GULP1: variants seen among roughly 807,000 people sequenced by gnomAD.
GULP1 encodes GULP PTB domain containing engulfment adaptor 1.
A neutral mutation model predicts 40.9 loss-of-function variants in GULP1; 19 were observed. The observed-to-expected ratio is 0.46, with a 90% CI of 0.32 to 0.68. The LOEUF (loss-of-function observed/expected upper bound fraction) is 0.68. Among genes scored for constraint, GULP1 ranks in the 30% least tolerant of loss-of-function variants. The pLI is 0.03. For synonymous variants in GULP1, 119 were observed against 117.6 expected, an observed-to-expected ratio of 1.01 and a Z score of -0.08; for missense variants, 312 against 362.2, an observed-to-expected ratio of 0.86 and a Z score of 1.12.
intron 2 of GULP1, among the ~76,000 whole-genome samples, chr2:188,402,220 A>G (rs1019423507): frequency 6.6e-6 from 1 of 152,138 alleles, no homozygotes; most frequent in Admixed American, 6.5e-5. Context: ...GCTAGTACCT[A>G]CAGTAAGGAA....
At chr2:188,543,976 C>G (rs1382755920) in intron 7 of GULP1, among the ~76,000 whole-genome samples, 1 of 152,122 alleles carries the variant, frequency 6.6e-6, no homozygotes, top group African/African-American at 2.4e-5. Flanking sequence ...AGTCCTCCTT[C>G]TTCCATGGTG....
chr2:188,414,352 G>T (rs2054306872), intron 2 of GULP1, among the ~76,000 whole-genome samples: 1 of 151,850 alleles, frequency 6.6e-6, no homozygotes, highest in African/African-American at 2.4e-5. Flanking sequence ...TCTTTGCGAA[G>T]AAGCTACATG....
intron 5 of GULP1, 176 bp downstream of exon 5, chr2:188,523,003 C>T (rs1328502993): frequency 2.0e-6 from 1 of 495,878 alleles, no homozygotes; most frequent in Non-Finnish European, 3.7e-6. Flanking sequence ...CAAACATGTA[C>T]ACAAAATTGT....
intron 1 of GULP1, among the ~76,000 whole-genome samples, chr2:188,302,618 A>C (rs544059484): frequency 7.5e-4 from 114 of 152,274 alleles, no homozygotes; most frequent in African/African-American, 2.6e-3. Context: ...CATACAGTAA[A>C]CTTTTAAGTA....
At chr2:188,295,580 G>A (rs1032538434) in intron 1 of GULP1, among the ~76,000 whole-genome samples, 1 of 152,032 alleles carries the variant, frequency 6.6e-6, no homozygotes, top group African/African-American at 2.4e-5. Flanking sequence ...TCATTGTACT[G>A]TGCTACAGTC....
chr2:188,398,789 A>G (rs1055281732), intron 2 of GULP1, among the ~76,000 whole-genome samples: 1 of 152,192 alleles, frequency 6.6e-6, no homozygotes, highest in Non-Finnish European at 1.5e-5. Flanking sequence ...AGCATGATTT[A>G]TATTGAGAAA....
chr2:188,427,998 G>A lies in GULP1; in HGVS notation c.-45+44109G>A, dbSNP rs888878305. Among the ~76,000 whole-genome samples, 6 of 152,352 alleles carry A rather than the reference G, an allele frequency of 3.9e-5. No homozygotes were observed. The East Asian group carries it at 1.2e-3, about 29-fold the overall frequency. On this transcript the variant is annotated intron_variant, in intron 2 of 11. Transcript: ENST00000409830. The stretch of plus-strand genomic sequence containing the variant: ...AGCCACAGGGACAGAGCTCCCCAAG[G>A]CCTTGGGAGCCTACCCATTGCATCA...
chr2:188,444,353 G>A (rs1271376600), intron 2 of GULP1, among the ~76,000 whole-genome samples: 2 of 152,088 alleles, frequency 1.3e-5, no homozygotes, highest in Admixed American at 6.5e-5. Context: ...TAATATAAAT[G>A]TTGAAAACAT....
At chr2:188,465,768 C>G (rs573333632) in intron 2 of GULP1, among the ~76,000 whole-genome samples, 50 of 152,234 alleles carry the variant, frequency 3.3e-4, no homozygotes, top group African/African-American at 1.2e-3. Flanking sequence ...CTAGCTCTTA[C>G]TCTCCCCAGT....
chr2:188,454,951 C>T (rs2059139496), intron 2 of GULP1, among the ~76,000 whole-genome samples: 1 of 151,852 alleles, frequency 6.6e-6, no homozygotes, highest in Non-Finnish European at 1.5e-5. Flanking sequence ...AGTGAGACCC[C>T]CATCTGTACA....
intron 1 of GULP1, among the ~76,000 whole-genome samples, chr2:188,358,157 G>A (rs2045605731): frequency 6.6e-6 from 1 of 152,076 alleles, no homozygotes; most frequent in South Asian, 2.1e-4. Context: ...CTCCAGCCTG[G>A]GTGACAGAGC....
intron 9 of GULP1, among the ~76,000 whole-genome samples, chr2:188,574,718 C>A (rs1263136241): frequency 6.6e-6 from 1 of 152,140 alleles, no homozygotes; most frequent in Non-Finnish European, 1.5e-5. Flanking sequence ...AAGCCATCTT[C>A]TCTAACAAGA....
intron 6 of GULP1, among the ~76,000 whole-genome samples, chr2:188,540,485 A>G (rs1275189296): frequency 1.3e-5 from 2 of 151,638 alleles, no homozygotes; most frequent in South Asian, 4.2e-4. Context: ...AACTATATCG[A>G]TCTGGTTGCA....
At chr2:188,592,475 T>C (rs1703758261) in intron 11 of GULP1, 1 of 152,044 alleles carries the variant, frequency 6.6e-6, no homozygotes, top group Non-Finnish European at 1.5e-5. Context: ...TGGCAAAATG[T>C]ATTTTGTGAT....
chr2:188,499,827 C>T (rs2063261126), intron 4 of GULP1, among the ~76,000 whole-genome samples: 3 of 151,666 alleles, frequency 2.0e-5, no homozygotes, highest in Non-Finnish European at 4.4e-5. Flanking sequence ...TATTATGATA[C>T]AACTCTTTTT....
chr2:188,318,633 G>A (rs1354790332), intron 1 of GULP1, among the ~76,000 whole-genome samples: 1 of 150,592 alleles, frequency 6.6e-6, no homozygotes, highest in Admixed American at 6.6e-5. Flanking sequence ...TTTATCATTG[G>A]CATGGTGAGT....
chr2:188,475,119 G>C (rs576150977), intron 2 of GULP1, among the ~76,000 whole-genome samples: 2 of 152,244 alleles, frequency 1.3e-5, no homozygotes, highest in South Asian at 2.1e-4. Context: ...AAAGTAGCTA[G>C]TATCTACATA....
At chr2:188,375,461 G>T (rs1016431978) in intron 1 of GULP1, among the ~76,000 whole-genome samples, 2 of 152,102 alleles carry the variant, frequency 1.3e-5, no homozygotes, top group Admixed American at 6.6e-5. Context: ...AATGCTTTCT[G>T]GCCCAACTTT....
chr2:188,539,260 T>G (rs1689794298), intron 6 of GULP1, among the ~76,000 whole-genome samples: 1 of 152,144 alleles, frequency 6.6e-6, no homozygotes, highest in Non-Finnish European at 1.5e-5. Flanking sequence ...CTATAGTGTT[T>G]AGCAGTAATA....
Sources: allele counts gnomAD v4.1 joint callset (sites outside exome capture counted in the v4.1 genomes callset), GRCh38; gene constraint gnomAD v4.1.1; transcripts MANE v1.5; gene names NCBI Gene and HGNC (gene_info 2026-07-23, HGNC 2026-07-21).